The following IKZF2 variants were observed in gnomAD, a reference collection of about 807,000 sequenced individuals.
The protein encoded by IKZF2 is IKAROS family zinc finger 2, also known as zinc finger protein Helios.
IKZF2 carries 15 observed loss-of-function variants against 49.2 expected under a neutral mutation model. That is an observed-to-expected ratio of 0.30 (90% CI 0.20 to 0.47). The LOEUF (loss-of-function observed/expected upper bound fraction) is 0.47. Ranked by LOEUF, IKZF2 falls within the 20% of genes least tolerant of loss-of-function variation. The pLI, the probability that IKZF2 is intolerant of heterozygous loss-of-function variation, is 1.00. For missense variants in IKZF2, 567 were observed against 664.6 expected (o/e 0.85, Z 1.61); for synonymous variants, 227 against 221.4 (o/e 1.03, Z -0.23).
intron 4 of IKZF2, among the ~76,000 whole-genome samples, chr2:213,113,278 T>C (rs1319156522): frequency 6.6e-6 from 1 of 152,200 alleles, no homozygotes; most frequent in Non-Finnish European, 1.5e-5. Flanking sequence ...AGTGGAGATC[T>C]ATAATGGTAC....
intron 7 of IKZF2, among the ~76,000 whole-genome samples, chr2:213,020,868 C>T (rs1030991493): frequency 5.9e-5 from 9 of 152,090 alleles, no homozygotes; most frequent in South Asian, 4.1e-4. Flanking sequence ...AAGTGACTGT[C>T]GCAATCCCCA....
chr2:213,107,445 C>T (rs1024594112), intron 4 of IKZF2, among the ~76,000 whole-genome samples: 2 of 152,156 alleles, frequency 1.3e-5, no homozygotes, highest in African/African-American at 4.8e-5. Context: ...CACGCACTTT[C>T]CATTAGTATC....
At chr2:213,151,631 C>T (rs1239963158), upstream of IKZF2, 2 of 152,018 alleles carry the variant, frequency 1.3e-5, no homozygotes, top group African/African-American at 4.8e-5. Flanking sequence ...GCTGGTCAAA[C>T]CCCGAGAAAC....
At chr2:213,102,173 AT>A (rs1245073229) in intron 4 of IKZF2, among the ~76,000 whole-genome samples, 1 of 152,140 alleles carries the variant, frequency 6.6e-6, no homozygotes, top group Non-Finnish European at 1.5e-5. Flanking sequence ...TTAAACTAGA[AT>A]TTGTGAGCGG....
At chr2:213,094,171 T>C (rs1022405433) in intron 4 of IKZF2, among the ~76,000 whole-genome samples, 2 of 152,130 alleles carry the variant, frequency 1.3e-5, no homozygotes, top group African/African-American at 2.4e-5. Context: ...GATAAAAAGT[T>C]TGAACTGGGT....
At chr2:213,041,327 G>A (rs1356054095) in intron 6 of IKZF2, among the ~76,000 whole-genome samples, 1 of 133,526 alleles carries the variant, frequency 7.5e-6, no homozygotes. Flanking sequence ...TAACTTGACT[G>A]TAATCTTTTT....
At chr2:213,115,321 A>G (rs929593241) in intron 4 of IKZF2, among the ~76,000 whole-genome samples, 8 of 152,228 alleles carry the variant, frequency 5.3e-5, no homozygotes, top group African/African-American at 1.9e-4. Flanking sequence ...GAGAGTAAAC[A>G]ACACTAGTCT....
intron 4 of IKZF2, among the ~76,000 whole-genome samples, chr2:213,093,609 T>G (rs1705606179): frequency 6.6e-6 from 1 of 152,226 alleles, no homozygotes; most frequent in Admixed American, 6.5e-5. Flanking sequence ...TTTAATGTCT[T>G]CTTTCAACTG....
intron 4 of IKZF2, among the ~76,000 whole-genome samples, chr2:213,146,223 C>T (rs2061052443): frequency 6.6e-6 from 1 of 152,018 alleles, no homozygotes; most frequent in Non-Finnish European, 1.5e-5. Flanking sequence ...AAAAACATTA[C>T]ACCAAATAAC....
In IKZF2 at chr2:213,007,230, T is replaced by C. The variant is rs1377979507; in HGVS notation, c.*130A>G. 1 of 989,652 alleles carries C rather than the reference T, an allele frequency of 1.0e-6. No homozygotes were observed. Among genetic ancestry groups the C allele is most frequent in the African/African-American group, 1.6e-5 (1 of 60,652 alleles). 61.3% of individuals were successfully genotyped at this position (989,652 alleles called of 1,614,324 possible). A position where few individuals can be genotyped will look rare whatever the true frequency, so the allele number is the denominator to read the frequency against. On this transcript the variant is annotated 3_prime_UTR_variant, in exon 9 of 9. Transcript: ENST00000434687. ...TGACACTGCCTCCACAAAATAAGAA[T>C]TATCAACAGTAATAATATTAAAAAA...
chr2:213,097,219 T>C (rs1360194216), intron 4 of IKZF2, among the ~76,000 whole-genome samples: 2 of 151,880 alleles, frequency 1.3e-5, no homozygotes, highest in African/African-American at 4.8e-5. Flanking sequence ...TTCTAAAAAA[T>C]ATGCAATAGT....
At chr2:213,141,367 C>G (rs995183431) in intron 4 of IKZF2, among the ~76,000 whole-genome samples, 3 of 151,904 alleles carry the variant, frequency 2.0e-5, no homozygotes, top group African/African-American at 7.2e-5. Context: ...CTGAAGTCAC[C>G]TACTTCGTTA....
chr2:213,112,662 C>A (rs2059751187), intron 4 of IKZF2, among the ~76,000 whole-genome samples: 1 of 152,026 alleles, frequency 6.6e-6, no homozygotes, highest in Non-Finnish European at 1.5e-5. Context: ...TATTCCATAT[C>A]ATTTTTACTA....
At chr2:213,108,480 C>G (rs1028466128) in intron 4 of IKZF2, among the ~76,000 whole-genome samples, 4 of 152,110 alleles carry the variant, frequency 2.6e-5, no homozygotes, top group Non-Finnish European at 5.9e-5. Flanking sequence ...GAGCTACAAG[C>G]TGAGCTACTG....
chr2:213,036,203 C>T (rs777466117), intron 6 of IKZF2, among the ~76,000 whole-genome samples: 3 of 152,154 alleles, frequency 2.0e-5, no homozygotes, highest in African/African-American at 4.8e-5. Flanking sequence ...TCCAATAATA[C>T]ATTGTTGCCA....
intron 4 of IKZF2, among the ~76,000 whole-genome samples, chr2:213,063,115 G>A (rs1701857779): frequency 6.6e-6 from 1 of 151,996 alleles, no homozygotes; most frequent in Non-Finnish European, 1.5e-5. Flanking sequence ...TAAAGAATTT[G>A]TTTTATAAAC....
At chr2:213,093,849 C>A (rs148710812) in intron 4 of IKZF2, among the ~76,000 whole-genome samples, 205 of 152,270 alleles carry the variant, frequency 1.3e-3, no homozygotes, top group African/African-American at 4.7e-3. Context: ...AACTACATGA[C>A]CTTGAACTTT....
At chr2:213,076,147 A>G (rs1703236518) in intron 4 of IKZF2, among the ~76,000 whole-genome samples, 1 of 152,198 alleles carries the variant, frequency 6.6e-6, no homozygotes, top group Admixed American at 6.5e-5. Flanking sequence ...CAGGGAAAAA[A>G]GTGAACGGAA....
At chr2:213,091,440 A>G (rs1482274418) in intron 4 of IKZF2, among the ~76,000 whole-genome samples, 1 of 152,186 alleles carries the variant, frequency 6.6e-6, no homozygotes, top group African/African-American at 2.4e-5. Flanking sequence ...ATTAATGACA[A>G]GATGTTAACT....
Sources: allele counts gnomAD v4.1 joint callset (sites outside exome capture counted in the v4.1 genomes callset), GRCh38; gene constraint gnomAD v4.1.1; transcripts MANE v1.5; gene names NCBI Gene and HGNC (gene_info 2026-07-23, HGNC 2026-07-21).